The following MCM7 variants were observed in gnomAD, a reference collection of about 807,000 sequenced individuals.
The protein encoded by MCM7 is DNA replication licensing factor MCM7.
MCM7 carries 95 observed loss-of-function variants against 83.5 expected under a neutral mutation model. The ratio of observed to expected loss-of-function variants is 1.14; its 90% CI spans 0.96 to 1.35. The LOEUF (loss-of-function observed/expected upper bound fraction) is 1.35. MCM7 is among the 40% of genes most tolerant of loss of function. The probability of loss-of-function intolerance (pLI) is 0.00; values close to 1 mark genes in which losing one functional copy is unlikely to be tolerated. For missense variants in MCM7, 1,087 were observed against 957.4 expected, an observed-to-expected ratio of 1.14 and a Z score of -1.79; for synonymous variants, 461 against 352.7, an observed-to-expected ratio of 1.31 and a Z score of -3.44.
At position 100,099,700 on chromosome 7, in the gene MCM7, T is replaced by A; in HGVS notation, c.165A>T (p.Val55=). The change falls in exon 3 of 15, where the codon GTA becomes GTT. Residue 55 remains valine (V), a synonymous_variant. Coordinates refer to ENST00000303887, the MANE Select transcript of MCM7 (RefSeq NM_005916.5). ...QVALYVDLDD[V]AEDDPELVDS... ...CCACCAACTCGGGGTCATCCTCGGC[T>A]ACGTCGTCCAGGTCCACATACAGAG... 6.2e-7 allele frequency: 1 copy of A among 1,614,216 alleles called. No homozygotes were observed. Among genetic ancestry groups the A allele is most frequent in the South Asian group, 1.1e-5 (1 of 91,082 alleles).
At chr7:100,093,779 G>A (rs375314727) in intron 13 of MCM7, 1 of 612,566 alleles carries the variant, frequency 1.6e-6, no homozygotes, top group Admixed American at 1.9e-5. Flanking sequence ...CGGGGGCTCG[G>A]GAAGTGCTAG....
At chr7:100,096,269 A>C (rs573280150) in intron 10 of MCM7, 102 bp from the exon 11 acceptor site, 1 of 1,178,084 alleles carries the variant, frequency 8.5e-7, no homozygotes, top group East Asian at 2.6e-5. Flanking sequence ...CGCTGGGATC[A>C]TTCCACTCCC....
chr7:100,097,620 T>C lies in MCM7; in HGVS notation c.1111A>G (p.Ile371Val), dbSNP rs1795707796. ...CTCCCTTGTTTCTTCTTACCCCGGA[T>C]TTTCATGCCTCGAGGAGACTGGTCC... ...GVDQSPRGMK[I>V]RGNINICLMG... is the part of the protein sequence containing the mutation. The change falls in exon 9 of 15, where the codon ATC becomes GTC. Residue 371 changes from isoleucine to valine, a missense_variant. Physicochemically the swap from Ile to Val is conservative, Grantham distance 29. Coordinates refer to ENST00000303887, the MANE Select transcript of MCM7 (RefSeq NM_005916.5). 1.9e-6 allele frequency: 3 copies of C among 1,613,780 alleles called. No individual in the cohort carries two copies. The East Asian group carries it at 6.7e-5, about 36-fold the overall frequency.
At chr7:100,098,826 G>A (rs1446583716) in intron 5 of MCM7, 111 bp from the exon 6 acceptor site, 2 of 1,442,754 alleles carry the variant, frequency 1.4e-6, no homozygotes, top group East Asian at 2.3e-5. Context: ...TAAGTGTCAA[G>A]AACCCTCTGA....
chr7:100,101,204 A>C lies in MCM7; in HGVS notation c.31+60T>G. The C allele has an allele frequency of 1.9e-6, 3 of 1,600,090 alleles. No homozygotes were observed. The South Asian group carries it at 3.3e-5, about 18-fold the overall frequency. ...TCCCCCAAGACCCCAGCTCACACCA[A>C]CAGGTGTTCCCCGGGAGGCTCCCCG... On this transcript the variant is annotated intron_variant, in intron 1 of 14. Coordinates refer to ENST00000303887, the MANE Select transcript of MCM7 (RefSeq NM_005916.5).
chr7:100,093,050 T>G lies in MCM7; in HGVS notation c.2042A>C (p.Glu681Ala). The change falls in exon 15 of 15, where the codon GAG (glutamate) becomes GCG (alanine). Residue 681 changes from glutamate (E) to alanine (A), a missense_variant. Physicochemically the swap from Glu to Ala is moderately radical, Grantham distance 107. Coordinates refer to ENST00000303887, the MANE Select transcript of MCM7 (RefSeq NM_005916.5). ...GAAGCCACGAGATACACAGCGCTGC[T>G]CTGCCTCAGAGAACCGGACACTTCG... ...GGRSVRFSEA[E>A]QRCVSRGFTP... is the part of the protein sequence containing the mutation. 6.2e-7 allele frequency: 1 copy of G among 1,614,214 alleles called. No individual in the cohort carries two copies.
At position 100,099,368 on chromosome 7, in the gene MCM7, C is replaced by T. The variant is rs746554110; in HGVS notation, c.312G>A (p.Glu104=). ...VNKDVLDVYI[E]HRLMMEQRSR... ...TCCGCTGCTCCATCATTAGCCGATG[C>T]TCAATGTAAACGTCCAGGACATCTT... Residue 104 remains glutamate (E), a synonymous_variant, in exon 4 of 15, where the codon GAG becomes GAA. Transcript: ENST00000303887. 1.2e-6 allele frequency: 2 copies of T among 1,610,536 alleles called. No homozygotes were observed. Among genetic ancestry groups the T allele is most frequent in the Non-Finnish European group, 1.7e-6 (2 of 1,179,358 alleles).
chr7:100,099,120 G>T lies in MCM7; in HGVS notation c.485C>A (p.Thr162Asn). The change falls in exon 5 of 15, where the codon ACT (threonine) becomes AAT (asparagine). Residue 162 changes from threonine to asparagine, a missense_variant. Coordinates refer to ENST00000303887, the MANE Select transcript of MCM7 (RefSeq NM_005916.5). ...GACACGAGTGACGATTCCACGCACAGTTACCAACTTCCCCACAGAGTCAGC... is the reference window on the plus strand; with the variant it reads ...GACACGAGTGACGATTCCACGCACATTTACCAACTTCCCCACAGAGTCAGC... ...VRADSVGKLVTVRGIVTRVSE... is the reference protein window; with the variant it reads ...VRADSVGKLVNVRGIVTRVSE... 1 of 1,614,124 alleles carries T rather than the reference G, an allele frequency of 6.2e-7. No individual in the cohort carries two copies. Among genetic ancestry groups the T allele is most frequent in the Non-Finnish European group, 8.5e-7 (1 of 1,180,036 alleles).
rs1795726626 is a variant in MCM7, at chr7:100,097,876, C to CAG, written c.941_942dup (p.Gly315LeufsTer11). The CAG allele has an allele frequency of 1.2e-6, 2 of 1,614,074 alleles. No individual in the cohort carries two copies. The highest frequency in any genetic ancestry group is 1.7e-6 in the Non-Finnish European group (2 of 1,180,044). ...TCCTCCCTGGTGAGCTCTCCAGCCC[C>CAG]AGACTCATCATCCTCACTCTTGTTC... On this transcript the variant is annotated frameshift_variant, in exon 8 of 15. Coordinates refer to ENST00000303887, the MANE Select transcript of MCM7 (RefSeq NM_005916.5). LOFTEE classifies it high-confidence loss of function.
At chr7:100,100,119 A>G (rs755811626) in intron 1 of MCM7, 26 bp from the exon 2 acceptor site, 2 of 1,612,448 alleles carry the variant, frequency 1.2e-6, no homozygotes, top group Non-Finnish European at 1.7e-6. Flanking sequence ...TAAAACCGTA[A>G]GACACAAACT....
intron 10 of MCM7, 96 bp from the exon 11 acceptor site, chr7:100,096,263 G>A (rs1795631665): frequency 7.9e-7 from 1 of 1,262,288 alleles, no homozygotes; most frequent in Non-Finnish European, 1.1e-6. Flanking sequence ...GGCCTGCGCT[G>A]GGATCATTCC....
chr7:100,097,593 C>T (rs1795705601), intron 9 of MCM7, 21 bp downstream of exon 9: 2 of 1,613,048 alleles, frequency 1.2e-6, no homozygotes, highest in East Asian at 2.2e-5. Flanking sequence ...CACCCTGAGC[C>T]TCTCCCTTGT....
chr7:100,099,343 T>G lies in MCM7; in HGVS notation c.337A>C (p.Ser113Arg). ...IEHRLMMEQR[S>R]RDPGMVRSPQ... ...CTTCGGACCATCCCAGGGTCCCGAC[T>G]CCGCTGCTCCATCATTAGCCGATGC... Residue 113 changes from serine (S) to arginine (R), a missense_variant, in exon 4 of 15, where the codon AGT (serine) becomes CGT (arginine). Coordinates refer to ENST00000303887, the MANE Select transcript of MCM7 (RefSeq NM_005916.5). 2 of 1,610,254 alleles carry G rather than the reference T, an allele frequency of 1.2e-6. No individual in the cohort carries two copies. Among genetic ancestry groups the G allele is most frequent in the South Asian group, 2.2e-5 (2 of 90,928 alleles).
Position 100,096,187 on chromosome 7 carries a change from G to T in MCM7, c.1202-20C>A. 1 of 1,539,618 alleles carries T rather than the reference G, an allele frequency of 6.5e-7. No individual in the cohort carries two copies. Among genetic ancestry groups the T allele is most frequent in the Non-Finnish European group, 8.7e-7 (1 of 1,145,240 alleles). ...ACTGGCCTGGAAGAGAAGAAATAAG[G>T]AACCATGAGAGAGAAAGAACAAGAA... On this transcript the variant is annotated intron_variant, in intron 10 of 14. Transcript: ENST00000303887.
Position 100,099,975 on chromosome 7 carries a change from A to AC in MCM7, c.111+38dup, listed in dbSNP as rs886663143. ...AGCTGCTGCTTATGGCTCCTTAAGC[A>AC]CCCCGCTCCCCATTCCCTTTACCCA... On this transcript the variant is annotated intron_variant, in intron 2 of 14. Transcript: ENST00000303887. 1.9e-6 allele frequency: 3 copies of AC among 1,575,148 alleles called. No individual in the cohort carries two copies. In the African/African-American group the frequency reaches 4.1e-5, roughly 21 times the overall value.
At chr7:100,098,788 A>T in intron 5 of MCM7, 73 bp from the exon 6 acceptor site, 1 of 1,577,150 alleles carries the variant, frequency 6.3e-7, no homozygotes, top group Non-Finnish European at 8.7e-7. Context: ...CCTTTGAATC[A>T]CATTTTCTCT....
At position 100,095,964 on chromosome 7, in the gene MCM7, T is replaced by C. The variant is rs1289870325; in HGVS notation, c.1405A>G (p.Ile469Val). The C allele has an allele frequency of 5.0e-6, 8 of 1,614,020 alleles. No homozygotes were observed. Among genetic ancestry groups the C allele is most frequent in the Non-Finnish European group, 6.8e-6 (8 of 1,179,984 alleles). Residue 469 changes from isoleucine to valine, a missense_variant, in exon 11 of 15, where the codon ATT becomes GTT. By Grantham distance (29) the Ile-to-Val change is conservative. Coordinates refer to ENST00000303887, the MANE Select transcript of MCM7 (RefSeq NM_005916.5). ...GTGGTGAGAATGCCGGCCTTGGCAA[T>C]GGAGATGGTCTGCTGCTCCATGACC... ...HEVMEQQTISIAKAGILTTLN... is the reference protein window; with the variant it reads ...HEVMEQQTISVAKAGILTTLN...
chr7:100,098,610 T>C lies in MCM7; in HGVS notation c.688A>G (p.Ile230Val). ...LYLQTRGSRF[I>V]KFQEMKMQEH... is the part of the protein sequence containing the mutation. ...TGCATCTTCATCTCCTGGAATTTGA[T>C]GAATCTGGAGCCCCGTGTCTGCAGA... Residue 230 changes from isoleucine to valine, a missense_variant, in exon 6 of 15, where the codon ATC becomes GTC. Transcript: ENST00000303887. 1 of 1,614,208 alleles carries C rather than the reference T, an allele frequency of 6.2e-7. No homozygotes were observed. The highest frequency in any genetic ancestry group is 1.1e-5 in the South Asian group (1 of 91,082).
chr7:100,093,954 T>TG (rs752359328), intron 13 of MCM7: 1 of 728,194 alleles, frequency 1.4e-6, no homozygotes, highest in Non-Finnish European at 2.6e-6. Flanking sequence ...GGTTAAGAAG[T>TG]GGGGAAAAGG....
Sources: gnomAD v4.1 joint callset for allele counts on GRCh38, gnomAD v4.1.1 for gene constraint, MANE v1.5 for transcripts, NCBI Gene and HGNC (gene_info 2026-07-23, HGNC 2026-07-21) for gene names.